Variants in DAAM1 observed in about 807,000 individuals in gnomAD.
DAAM1 encodes the protein dishevelled associated activator of morphogenesis 1, also known as disheveled-associated activator of morphogenesis 1.
Under a neutral mutation model 130.0 loss-of-function variants are expected in DAAM1, and 52 were observed. The observed-to-expected ratio is 0.40, with a 90% CI of 0.32 to 0.50. The LOEUF (loss-of-function observed/expected upper bound fraction) is 0.50, where lower values mean the gene tolerates loss of function less well. Ranked by LOEUF, DAAM1 falls within the 20% of genes least tolerant of loss-of-function variation. The probability of loss-of-function intolerance (pLI) is 0.61; values close to 1 mark genes in which losing one functional copy is unlikely to be tolerated. For synonymous variants in DAAM1, 452 were observed against 444.5 expected, an observed-to-expected ratio of 1.02 and a Z score of -0.21; for missense variants, 1,134 against 1,303.8, an observed-to-expected ratio of 0.87 and a Z score of 2.01.
intron 1 of DAAM1, among the ~76,000 whole-genome samples, chr14:59,222,816 A>G (rs937060628): frequency 2.0e-5 from 3 of 152,238 alleles, no homozygotes; most frequent in East Asian, 1.9e-4. Flanking sequence ...TTTTCCAATC[A>G]TGTCTGTGGA....
intron 22 of DAAM1, chr14:59,362,623 T>C (rs1886752859): frequency 1.5e-5 from 2 of 133,272 alleles, no homozygotes; most frequent in Non-Finnish European, 1.6e-5. Context: ...ATGATGTGGA[T>C]GTTGCCCTCT....
chr14:59,251,408 TC>T (rs1346891170), intron 1 of DAAM1, among the ~76,000 whole-genome samples: 1 of 151,006 alleles, frequency 6.6e-6, no homozygotes, highest in Non-Finnish European at 1.5e-5. Context: ...CTGAGGTTCT[TC>T]CCTCAGTCAT....
intron 16 of DAAM1, among the ~76,000 whole-genome samples, chr14:59,343,927 A>ACC (rs1253655373): frequency 4.6e-5 from 7 of 152,196 alleles, no homozygotes; most frequent in African/African-American, 1.7e-4. Context: ...CACGTCTTAG[A>ACC]GACGTTCCTC....
chr14:59,324,031 GA>G (rs780472385), intron 6 of DAAM1, 96 bp from the exon 7 acceptor site: 20,767 of 633,908 alleles, frequency 0.033, no homozygotes, highest in South Asian at 0.037. Flanking sequence ...GACTCCGTCT[GA>G]AAAAAAAAAA....
intron 2 of DAAM1, among the ~76,000 whole-genome samples, chr14:59,277,102 A>G (rs1883004582): frequency 6.6e-6 from 1 of 152,174 alleles, no homozygotes; most frequent in Admixed American, 6.6e-5. Context: ...TGCTTTAGAT[A>G]TTGCTTTAGA....
intron 2 of DAAM1, among the ~76,000 whole-genome samples, chr14:59,267,536 A>G (rs972967515): frequency 2.6e-5 from 4 of 152,172 alleles, no homozygotes; most frequent in African/African-American, 9.7e-5. Context: ...GAAATAATTC[A>G]TATATAATTC....
At chr14:59,311,037 A>G (rs144862099) in intron 3 of DAAM1, among the ~76,000 whole-genome samples, 46 of 152,354 alleles carry the variant, frequency 3.0e-4, no homozygotes, top group African/African-American at 1.1e-3. Context: ...TCCTATTAAG[A>G]AAGTGTCCTG....
chr14:59,299,162 C>T (rs911116335), intron 3 of DAAM1, among the ~76,000 whole-genome samples: 8 of 152,168 alleles, frequency 5.3e-5, no homozygotes, highest in African/African-American at 7.2e-5. Context: ...TCCTGAATTA[C>T]GTTTGTTCCT....
At chr14:59,345,400 TA>T (rs1016189811) in intron 16 of DAAM1, among the ~76,000 whole-genome samples, 6 of 152,204 alleles carry the variant, frequency 3.9e-5, no homozygotes, top group Non-Finnish European at 8.8e-5. Context: ...TTTGTCAGCT[TA>T]AACAATTTTG....
chr14:59,190,501 G>C (rs1439951508), intron 1 of DAAM1, among the ~76,000 whole-genome samples: 1 of 152,162 alleles, frequency 6.6e-6, no homozygotes, highest in Non-Finnish European at 1.5e-5. Context: ...CAGCTGATTG[G>C]AAGTGATTAG....
intron 1 of DAAM1, among the ~76,000 whole-genome samples, chr14:59,239,810 T>C (rs1346334782): frequency 6.6e-6 from 1 of 152,154 alleles, no homozygotes; most frequent in Non-Finnish European, 1.5e-5. Context: ...AGCTCCCTGC[T>C]CAGCAACAAT....
intron 16 of DAAM1, among the ~76,000 whole-genome samples, chr14:59,344,684 T>A (rs925018667): frequency 1.3e-5 from 2 of 152,166 alleles, no homozygotes; most frequent in Admixed American, 1.3e-4. Flanking sequence ...GTGGGCCACA[T>A]TAAGAGAAAC....
At chr14:59,220,930 T>C (rs1566655007) in intron 1 of DAAM1, among the ~76,000 whole-genome samples, 1 of 152,246 alleles carries the variant, frequency 6.6e-6, no homozygotes, top group Non-Finnish European at 1.5e-5. Flanking sequence ...GATTAAATGC[T>C]AATCTCTTCT....
rs529434639 is a variant in DAAM1 at position 59,222,459 on chromosome 14, A to G, written c.-38+33691A>G. On this transcript the variant is annotated intron_variant, in intron 1 of 24. Coordinates refer to ENST00000360909, the MANE Select transcript of DAAM1 (RefSeq NM_001270520.2). ...GCTGATGACCCTGGGGAATGGTGCC[A>G]TAAAGGGGGCTCAGTGTTGGTCTTT... 1.7e-3 allele frequency among the ~76,000 whole-genome samples: 260 copies of G among 152,326 alleles called. 1 individual carries two copies. Among genetic ancestry groups the G allele is most frequent in the Non-Finnish European group, 2.8e-3 (192 of 68,030 alleles).
At chr14:59,290,108 C>T (rs961780723) in intron 2 of DAAM1, among the ~76,000 whole-genome samples, 3 of 151,910 alleles carry the variant, frequency 2.0e-5, no homozygotes, top group African/African-American at 7.3e-5. Context: ...CAAACCTGCA[C>T]ATGTACCCCT....
intron 1 of DAAM1, among the ~76,000 whole-genome samples, chr14:59,212,414 A>T (rs1396621634): frequency 6.6e-6 from 1 of 152,244 alleles, no homozygotes; most frequent in Non-Finnish European, 1.5e-5. Flanking sequence ...ATTATGGCTT[A>T]TGCTGTTGAA....
intron 2 of DAAM1, among the ~76,000 whole-genome samples, chr14:59,278,222 C>T (rs1883055248): frequency 1.3e-5 from 2 of 152,196 alleles, no homozygotes; most frequent in East Asian, 1.9e-4. Flanking sequence ...ATAGGCATCA[C>T]GAGGTAGTGT....
intron 2 of DAAM1, among the ~76,000 whole-genome samples, chr14:59,290,790 C>G (rs1357802537): frequency 6.6e-6 from 1 of 152,162 alleles, no homozygotes; most frequent in East Asian, 1.9e-4. Context: ...TCCTCATATC[C>G]AGGTTCTTCA....
At chr14:59,353,792 T>C in intron 18 of DAAM1, 84 bp from the exon 19 acceptor site, 1 of 1,315,278 alleles carries the variant, frequency 7.6e-7, no homozygotes, top group Non-Finnish European at 1.1e-6. Flanking sequence ...GAGGTGCTTC[T>C]AGGTACCTCC....
Sources: allele counts gnomAD v4.1 joint callset (sites outside exome capture counted in the v4.1 genomes callset), GRCh38; gene constraint gnomAD v4.1.1; transcripts MANE v1.5; gene names NCBI Gene and HGNC (gene_info 2026-07-23, HGNC 2026-07-21).